The following EML2 variants were observed in gnomAD, a reference collection of about 807,000 sequenced individuals.
EML2 encodes EMAP like 2.
EML2 carries 59 observed loss-of-function variants against 84.7 expected under a neutral mutation model. The observed-to-expected ratio is 0.70, with a 90% CI of 0.56 to 0.86. The LOEUF (loss-of-function observed/expected upper bound fraction) is 0.86. Ranked by LOEUF, EML2 falls within the 40% of genes least tolerant of loss-of-function variation. The pLI is 0.00. For synonymous variants in EML2, 352 were observed against 348.9 expected (o/e 1.01, Z -0.10); for missense variants, 818 against 855.6 (o/e 0.96, Z 0.55).
At chr19:45,635,361 A>C (rs575768626) in intron 3 of EML2, among the ~76,000 whole-genome samples, 37 of 151,192 alleles carry the variant, frequency 2.4e-4, no homozygotes, top group Non-Finnish European at 4.6e-4. Context: ...GTGGTCTCCA[A>C]CTCCTGACCT....
upstream of EML2, chr19:45,644,740 T>C (rs1974901116): frequency 4.4e-6 from 2 of 456,048 alleles, no homozygotes; most frequent in Middle Eastern, 3.3e-4. Flanking sequence ...GTCCTTCTGG[T>C]ATCACACCCA....
At chr19:45,623,589 C>T (rs1360900031) in intron 9 of EML2, 1 of 151,056 alleles carries the variant, frequency 6.6e-6, no homozygotes, top group Non-Finnish European at 1.5e-5. Context: ...CTTGCTCTGT[C>T]CCCTAGGCTG....
chr19:45,635,493 C>A (rs536082637), intron 3 of EML2, among the ~76,000 whole-genome samples: 1 of 150,338 alleles, frequency 6.7e-6, no homozygotes, highest in Non-Finnish European at 1.5e-5. Flanking sequence ...TCAACAAGGT[C>A]ATTGGAATGA....
At chr19:45,624,921 C>A in intron 8 of EML2, 103 bp from the exon 9 acceptor site, 1 of 791,580 alleles carries the variant, frequency 1.3e-6, no homozygotes. Context: ...TCCCCTCTAT[C>A]TATGCGTTTA....
chr19:45,613,414 T>C (rs887261951), intron 18 of EML2, 127 bp downstream of exon 18: 3 of 1,160,130 alleles, frequency 2.6e-6, no homozygotes, highest in Non-Finnish European at 3.6e-6. Flanking sequence ...TCAAGACTAC[T>C]GTCCTCCTTG....
chr19:45,645,414 G>A (rs990672581), upstream of EML2: 9 of 1,475,060 alleles, frequency 6.1e-6, no homozygotes, highest in Non-Finnish European at 8.0e-6. Context: ...CCTGCCTCCC[G>A]TTGCCATAGC....
chr19:45,615,893 C>T lies in EML2; in HGVS notation c.1510-4G>A. The T allele has an allele frequency of 6.2e-7, 1 of 1,612,438 alleles. No individual in the cohort carries two copies. Among genetic ancestry groups the T allele is most frequent in the Middle Eastern group, 1.7e-4 (1 of 6,042 alleles). ...GGGTGATAAAACTGGAATGGCCCTGCGGGGGAGGGAAGGGATGGTGTTAGA... is the reference window on the plus strand; with the variant it reads ...GGGTGATAAAACTGGAATGGCCCTGTGGGGGAGGGAAGGGATGGTGTTAGA... On this transcript the variant is annotated splice_region_variant and splice_polypyrimidine_tract_variant and intron_variant, in intron 15 of 18. Transcript: ENST00000245925.
At chr19:45,613,893 C>A (rs1478293215) in intron 17 of EML2, among the ~76,000 whole-genome samples, 1 of 152,140 alleles carries the variant, frequency 6.6e-6, no homozygotes, top group Non-Finnish European at 1.5e-5. Flanking sequence ...GCCTGTGGTT[C>A]TAAGGCTCAG....
In EML2 at chr19:45,638,493, G is replaced by A. The variant is rs1014876015; in HGVS notation, c.179+12C>T. The A allele has an allele frequency of 5.6e-6, 9 of 1,613,820 alleles. No homozygotes were observed. Among genetic ancestry groups the A allele is most frequent in the Non-Finnish European group, 7.6e-6 (9 of 1,180,034 alleles). On this transcript the variant is annotated intron_variant, in intron 3 of 18. Coordinates refer to ENST00000245925, the MANE Select transcript of EML2 (RefSeq NM_012155.4). ...GGATGGGAGCACCAAGGAGATTCCA[G>A]CAAAAGGATACACCCACTCCAGCTT... is the stretch of plus-strand genomic sequence containing the variant.
At chr19:45,632,716 C>T (rs930422965) in intron 6 of EML2, 145 bp downstream of exon 6, 15 of 692,184 alleles carry the variant, frequency 2.2e-5, no homozygotes, top group Admixed American at 7.7e-5. Flanking sequence ...GGGGTGAGGA[C>T]ACGCCCTCAT....
chr19:45,642,993 A>AAAAAAGAAAAAAG (rs1213632042), upstream of EML2, among the ~76,000 whole-genome samples: 1 of 150,968 alleles, frequency 6.6e-6, no homozygotes, highest in Non-Finnish European at 1.5e-5. Context: ...TCAAAAAAAA[A>AAAAAAGAAAAAAG]AAAAAGAAAA....
At chr19:45,626,928 G>A (rs1431388620) in intron 7 of EML2, 89 bp from the exon 8 acceptor site, 2 of 1,184,140 alleles carry the variant, frequency 1.7e-6, no homozygotes, top group Non-Finnish European at 1.1e-6. Flanking sequence ...CTAAACGGCT[G>A]TTTGTGTTGT....
At chr19:45,611,189 C>T (rs1017384886) in intron 18 of EML2, among the ~76,000 whole-genome samples, 3 of 152,068 alleles carry the variant, frequency 2.0e-5, no homozygotes, top group African/African-American at 7.2e-5. Flanking sequence ...GCAGGCAGAT[C>T]GCCTGAGGTT....
chr19:45,644,703 C>G (rs1180414511), upstream of EML2: 1 of 455,936 alleles, frequency 2.2e-6, no homozygotes, highest in African/African-American at 2.0e-5. Flanking sequence ...TCCTATCTCC[C>G]CTCACCTGAG....
upstream of EML2, chr19:45,642,562 C>G: frequency 1.5e-6 from 2 of 1,359,360 alleles, no homozygotes; most frequent in Non-Finnish European, 1.9e-6. Flanking sequence ...CCGCACACTC[C>G]TCTCTGCCAC....
Position 45,621,594 on chromosome 19 carries a change from G to GC in EML2, c.884dup (p.Gly296ArgfsTer20). 1 of 1,610,702 alleles carries GC rather than the reference G, an allele frequency of 6.2e-7. No homozygotes were observed. Among genetic ancestry groups the GC allele is most frequent in the Non-Finnish European group, 8.5e-7 (1 of 1,179,762 alleles). ...GCAGGGCGCAGAGCCCAAACACGCC[G>GC]CCGTCGTGGGCGCCCAGCACCGCCT... is the stretch of plus-strand genomic sequence containing the variant. On this transcript the variant is annotated frameshift_variant, in exon 10 of 19. Coordinates refer to ENST00000245925, the MANE Select transcript of EML2 (RefSeq NM_012155.4). LOFTEE classifies it high-confidence loss of function.
rs757386899 is a variant in EML2 at position 45,630,071 on chromosome 19, G to C, written c.511-25C>G. 13 of 1,576,914 alleles carry C rather than the reference G, an allele frequency of 8.2e-6. No homozygotes were observed. In the African/African-American group the frequency reaches 1.8e-4, roughly 21 times the overall value. ...TCTAAAGAGGAGGAGAGAGGAGGGGGACAGAGGCAAGGGGAGTCAGGGCCC... is the reference window on the plus strand; with the variant it reads ...TCTAAAGAGGAGGAGAGAGGAGGGGCACAGAGGCAAGGGGAGTCAGGGCCC... On this transcript the variant is annotated intron_variant, in intron 6 of 18. Transcript: ENST00000245925.
chr19:45,626,012 G>C (rs1972271830), intron 8 of EML2, among the ~76,000 whole-genome samples: 2 of 152,200 alleles, frequency 1.3e-5, no homozygotes, highest in South Asian at 4.1e-4. Context: ...AGGTAGCTGG[G>C]ATTACAGGTG....
chr19:45,613,449 G>C (rs908489554), intron 18 of EML2, 92 bp downstream of exon 18: 3 of 1,481,730 alleles, frequency 2.0e-6, no homozygotes, highest in African/African-American at 2.8e-5. Context: ...CCGAGGCTCA[G>C]AGAAGGGGTG....
Sources: gnomAD v4.1 joint callset for allele counts (sites outside exome capture counted in the v4.1 genomes callset) on GRCh38, gnomAD v4.1.1 for gene constraint, MANE v1.5 for transcripts, NCBI Gene and HGNC (gene_info 2026-07-23, HGNC 2026-07-21) for gene names.